The following GPC6 variants were observed in gnomAD, a reference collection of about 807,000 sequenced individuals.
GPC6 encodes the protein glypican-6.
A neutral mutation model predicts 55.2 loss-of-function variants in GPC6; 14 were observed. The observed-to-expected ratio is 0.25, with a 90% CI of 0.17 to 0.40. GPC6 has a LOEUF of 0.40. Ranked by LOEUF, GPC6 falls within the 10% of genes least tolerant of loss-of-function variation. GPC6 has a pLI of 1.00. For synonymous variants in GPC6, 278 were observed against 259.6 expected, an observed-to-expected ratio of 1.07 and a Z score of -0.68; for missense variants, 641 against 708.5, an observed-to-expected ratio of 0.90 and a Z score of 1.08.
rs183868233 is a variant in GPC6 at position 93,681,503 on chromosome 13, T to C, written c.319+136082T>C. 5.0e-3 allele frequency among the ~76,000 whole-genome samples: 754 copies of C among 152,280 alleles called. 6 individuals carry two copies. The highest frequency in any genetic ancestry group is 0.017 in the African/African-American group (695 of 41,570). ...ACAATAAAAACTAATGGTAATAATATACAGAAATCAATTTGGATATTCTAT... is the reference window on the plus strand; with the variant it reads ...ACAATAAAAACTAATGGTAATAATACACAGAAATCAATTTGGATATTCTAT... On this transcript the variant is annotated intron_variant, in intron 2 of 8. Transcript: ENST00000377047.
intron 3 of GPC6, among the ~76,000 whole-genome samples, chr13:93,988,330 C>T (rs1184613090): frequency 2.6e-5 from 4 of 152,230 alleles, no homozygotes. Flanking sequence ...TGTTGCTATC[C>T]CCAGACCCTT....
At chr13:93,581,237 A>G (rs570931833) in intron 2 of GPC6, among the ~76,000 whole-genome samples, 8 of 152,268 alleles carry the variant, frequency 5.3e-5, no homozygotes, top group African/African-American at 1.7e-4. Flanking sequence ...AGAATGCTGT[A>G]TCATTATGTA....
At chr13:93,972,035 C>CA (rs1880304374) in intron 3 of GPC6, among the ~76,000 whole-genome samples, 1 of 152,164 alleles carries the variant, frequency 6.6e-6, no homozygotes, top group Admixed American at 6.5e-5. Context: ...AGAAGGCTGA[C>CA]AAAATCAGAC....
chr13:93,838,121 G>A (rs1051850907), intron 3 of GPC6, among the ~76,000 whole-genome samples: 9 of 152,142 alleles, frequency 5.9e-5, no homozygotes, highest in African/African-American at 2.2e-4. Flanking sequence ...GACATGGGCT[G>A]AGCACCTACT....
intron 2 of GPC6, among the ~76,000 whole-genome samples, chr13:93,713,696 T>C (rs1193698168): frequency 2.3e-5 from 3 of 129,088 alleles, no homozygotes; most frequent in African/African-American, 7.8e-5. Flanking sequence ...TATTTAGTGA[T>C]GTTAATTGCC....
At chr13:93,339,451 G>A (rs1254817358) in intron 1 of GPC6, among the ~76,000 whole-genome samples, 1 of 150,490 alleles carries the variant, frequency 6.6e-6, no homozygotes, top group Non-Finnish European at 1.5e-5. Context: ...GAGTATCTCA[G>A]AAGCTCCAGT....
At chr13:93,230,798 A>AAGGAACTCTACCACTGAAAAT (rs1875978934) in intron 1 of GPC6, among the ~76,000 whole-genome samples, 1 of 152,022 alleles carries the variant, frequency 6.6e-6, no homozygotes, top group Non-Finnish European at 1.5e-5. Flanking sequence ...TAAACTTCTA[A>AAGGAACTCTACCACTGAAAAT]AGGAACTCTA....
At chr13:93,866,986 A>G (rs1057096555) in intron 3 of GPC6, among the ~76,000 whole-genome samples, 2 of 151,774 alleles carry the variant, frequency 1.3e-5, no homozygotes, top group African/African-American at 2.4e-5. Flanking sequence ...TTATTCCTTT[A>G]CTTGAAATGC....
intron 6 of GPC6, among the ~76,000 whole-genome samples, chr13:94,378,666 C>A (rs1476063673): frequency 6.6e-6 from 1 of 152,072 alleles, no homozygotes; most frequent in Non-Finnish European, 1.5e-5. Flanking sequence ...CCTATGGACC[C>A]CAACAGTATA....
At chr13:93,357,065 G>A (rs895185079) in intron 1 of GPC6, among the ~76,000 whole-genome samples, 2 of 152,190 alleles carry the variant, frequency 1.3e-5, no homozygotes, top group African/African-American at 4.8e-5. Context: ...ATTTGCATTT[G>A]TAGTGTATAA....
chr13:93,219,413 C>T, the GPC6 span, among the ~76,000 whole-genome samples: 8 of 152,222 alleles, frequency 5.3e-5, no homozygotes, highest in Non-Finnish European at 1.2e-4. Flanking sequence ...TTTCTTATGA[C>T]CAAACAATAG....
intron 1 of GPC6, among the ~76,000 whole-genome samples, chr13:93,234,581 C>A (rs1037379349): frequency 6.6e-6 from 1 of 151,916 alleles, no homozygotes; most frequent in Non-Finnish European, 1.5e-5. Context: ...AGGAAGGATT[C>A]AAGAAATACT....
chr13:93,483,375 C>A (rs1879588248), intron 1 of GPC6, among the ~76,000 whole-genome samples: 2 of 152,018 alleles, frequency 1.3e-5, no homozygotes, highest in South Asian at 4.1e-4. Context: ...ATGCTTTTAA[C>A]TAGATAAGTA....
chr13:93,642,283 T>C (rs888674407), intron 2 of GPC6, among the ~76,000 whole-genome samples: 3 of 152,102 alleles, frequency 2.0e-5, no homozygotes, highest in Admixed American at 6.6e-5. Flanking sequence ...CTTAAGATAA[T>C]GGCCTCCAAC....
chr13:93,926,301 A>T (rs1392926926), intron 3 of GPC6, among the ~76,000 whole-genome samples: 1 of 152,172 alleles, frequency 6.6e-6, no homozygotes, highest in Non-Finnish European at 1.5e-5. Flanking sequence ...CAGCTGGTTA[A>T]ACATGCTCCA....
At chr13:93,234,693 A>T (rs1016338139) in intron 1 of GPC6, among the ~76,000 whole-genome samples, 1 of 142,814 alleles carries the variant, frequency 7.0e-6, no homozygotes, top group Non-Finnish European at 1.6e-5. Flanking sequence ...TGTGTGAGAG[A>T]GAGAGAGAGA....
At chr13:94,207,705 TAC>T (rs1889947440) in intron 4 of GPC6, among the ~76,000 whole-genome samples, 1 of 152,204 alleles carries the variant, frequency 6.6e-6, no homozygotes, top group Admixed American at 6.5e-5. Context: ...TGTGGGAATA[TAC>T]ATGATTGTGG....
intron 2 of GPC6, among the ~76,000 whole-genome samples, chr13:93,772,811 G>C (rs538441889): frequency 6.6e-6 from 1 of 152,140 alleles, no homozygotes; most frequent in Non-Finnish European, 1.5e-5. Flanking sequence ...TGAGGGCCAA[G>C]TGCCCAGATG....
At chr13:93,756,992 A>G (rs1387728321) in intron 2 of GPC6, among the ~76,000 whole-genome samples, 3 of 152,158 alleles carry the variant, frequency 2.0e-5, no homozygotes, top group Non-Finnish European at 4.4e-5. Flanking sequence ...TCTGTGGCAC[A>G]TTTTACATCG....
Sources: allele counts gnomAD v4.1 joint callset (sites outside exome capture counted in the v4.1 genomes callset), GRCh38; gene constraint gnomAD v4.1.1; transcripts MANE v1.5; gene names NCBI Gene and HGNC (gene_info 2026-07-23, HGNC 2026-07-21).